The following PCDHGB3 variants were observed in gnomAD, a reference collection of about 807,000 sequenced individuals.
PCDHGB3 encodes protocadherin gamma-B3.
PCDHGB3 carries 40 observed loss-of-function variants against 59.2 expected under a neutral mutation model. The observed-to-expected ratio is 0.68, with a 90% CI of 0.52 to 0.88. The LOEUF (loss-of-function observed/expected upper bound fraction) is 0.88. PCDHGB3 is among the 40% of genes least tolerant of loss of function. The probability of loss-of-function intolerance (pLI) is 0.00; values close to 1 mark genes in which losing one functional copy is unlikely to be tolerated. For synonymous variants in PCDHGB3, 581 were observed against 503.6 expected (o/e 1.15, Z -2.06); for missense variants, 1,309 against 1,187.9 (o/e 1.10, Z -1.50).
At chr5:141,380,140 T>C (rs1776247193) in intron 1 of PCDHGB3, among the ~76,000 whole-genome samples, 1 of 151,998 alleles carries the variant, frequency 6.6e-6, no homozygotes, top group Non-Finnish European at 1.5e-5. Context: ...CCTTAAGTGA[T>C]CCACCCGCCT....
intron 1 of PCDHGB3, among the ~76,000 whole-genome samples, chr5:141,449,929 T>C (rs2098659723): frequency 6.6e-6 from 1 of 151,912 alleles, no homozygotes; most frequent in Non-Finnish European, 1.5e-5. Context: ...TACCATACCT[T>C]ATAGTATATT....
At chr5:141,383,694 T>C (rs369728109) in intron 1 of PCDHGB3, 13 of 1,613,890 alleles carry the variant, frequency 8.1e-6, no homozygotes, top group Middle Eastern at 1.6e-4. Context: ...TCACGGTACA[T>C]GCTATCGACC....
At chr5:141,390,051 A>G in intron 1 of PCDHGB3, 1 of 1,613,978 alleles carries the variant, frequency 6.2e-7, no homozygotes, top group Non-Finnish European at 8.5e-7. Context: ...CGCCTCCTGG[A>G]GCTGCTTCCA....
intron 1 of PCDHGB3, chr5:141,419,206 G>A: frequency 1.9e-6 from 3 of 1,613,876 alleles, no homozygotes; most frequent in Non-Finnish European, 1.7e-6. Flanking sequence ...ATGACAACGC[G>A]CCGGTTTTCG....
chr5:141,491,322 C>T lies in PCDHGB3; in HGVS notation c.2416-3485C>T. 6.2e-7 allele frequency: 1 copy of T among 1,614,156 alleles called. No individual in the cohort carries two copies. Among genetic ancestry groups the T allele is most frequent in the East Asian group, 2.2e-5 (1 of 44,860 alleles). On this transcript the variant is annotated intron_variant, in intron 1 of 3. Coordinates refer to ENST00000576222, the MANE Select transcript of PCDHGB3 (RefSeq NM_018924.5). This position sits in a 1 kb window ranked among gnomAD's most constrained non-coding sequence, Gnocchi z 6.9. ...AGCGTTCAGACCTTACCCTTTACCT[C>T]ATTGTGGCTCTAGCGACCGTCAGTC...
At chr5:141,385,479 T>A in intron 1 of PCDHGB3, 6 of 1,429,214 alleles carry the variant, frequency 4.2e-6, no homozygotes, top group Non-Finnish European at 5.5e-6. Flanking sequence ...CACTTTAATA[T>A]AGAACACATA....
intron 1 of PCDHGB3, chr5:141,394,908 G>A (rs763489153): frequency 3.1e-6 from 5 of 1,613,652 alleles, no homozygotes; most frequent in East Asian, 2.2e-5. Flanking sequence ...GGCAGTGGCT[G>A]CCATCTCCTG....
intron 1 of PCDHGB3, among the ~76,000 whole-genome samples, chr5:141,448,831 G>C (rs985602153): frequency 4.6e-5 from 7 of 152,096 alleles, no homozygotes; most frequent in Non-Finnish European, 7.4e-5. Flanking sequence ...TGTAGTCCCA[G>C]CTACTCTGGA....
At chr5:141,500,222 T>TGA (rs1355843194) in intron 2 of PCDHGB3, among the ~76,000 whole-genome samples, 1 of 146,758 alleles carries the variant, frequency 6.8e-6, no homozygotes, top group Non-Finnish European at 1.5e-5. Flanking sequence ...ATTTATTTAT[T>TGA]TATTGATACG....
intron 1 of PCDHGB3, among the ~76,000 whole-genome samples, chr5:141,448,344 A>G (rs2098583423): frequency 6.6e-6 from 1 of 152,080 alleles, no homozygotes; most frequent in Admixed American, 6.6e-5. Flanking sequence ...CATGTACCTC[A>G]ATCTTAGTAG....
intron 1 of PCDHGB3, chr5:141,424,478 G>A (rs953233220): frequency 3.3e-5 from 5 of 151,898 alleles, no homozygotes; most frequent in Admixed American, 6.6e-5. Context: ...CTTTTACTTT[G>A]GTGTCTGTGT....
Position 141,371,049 on chromosome 5 carries a change from G to A in PCDHGB3, c.655G>A (p.Glu219Lys), listed in dbSNP as rs1334799449. Reference sequence around the variant, plus strand: ...GGTCCTCACAGCTGTGGATGGGGGCGAGCCCTCCAGAAGCTGTACCACCCA... The same window carrying A: ...GGTCCTCACAGCTGTGGATGGGGGCAAGCCCTCCAGAAGCTGTACCACCCA... The part of the protein sequence containing the change: ...HLVLTAVDGG[E>K]PSRSCTTQIR... Residue 219 changes from glutamate to lysine, a missense_variant, in exon 1 of 4, where the codon GAG becomes AAG. Physicochemically the swap from Glu to Lys is moderately conservative, Grantham distance 56 (BLOSUM62 1). Coordinates refer to ENST00000576222, the MANE Select transcript of PCDHGB3 (RefSeq NM_018924.5). The A allele has an allele frequency of 6.8e-6, 11 of 1,613,826 alleles. No homozygotes were observed. Among genetic ancestry groups the A allele is most frequent in the Non-Finnish European group, 8.5e-6 (10 of 1,179,884 alleles).
chr5:141,405,840 A>ATATCAGTGT (rs2094725824), intron 1 of PCDHGB3, among the ~76,000 whole-genome samples: 1 of 152,188 alleles, frequency 6.6e-6, no homozygotes, highest in Non-Finnish European at 1.5e-5. Context: ...GTATAAGTTG[A>ATATCAGTGT]TATCAGTGTG....
At chr5:141,478,620 G>A (rs1400703951) in intron 1 of PCDHGB3, 2 of 1,555,472 alleles carry the variant, frequency 1.3e-6, no homozygotes, top group East Asian at 2.4e-5. Context: ...AAGGAATGGA[G>A]CTGTTTTTTT....
Position 141,432,205 on chromosome 5 carries a change from A to G in PCDHGB3, c.2415+59396A>G, listed in dbSNP as rs764567227. 1 of 1,614,180 alleles carries G rather than the reference A, an allele frequency of 6.2e-7. No individual in the cohort carries two copies. Among genetic ancestry groups the G allele is most frequent in the South Asian group, 1.1e-5 (1 of 91,074 alleles). On this transcript the variant is annotated intron_variant, in intron 1 of 3. Transcript: ENST00000576222. This position sits in a 1 kb window ranked among gnomAD's most constrained non-coding sequence, Gnocchi z 6.0. The stretch of plus-strand genomic sequence containing the variant: ...TGACCGCCCACGACCCCGACTGTGA[A>G]GAGAACGCCCAGATCACTTATTCCC...
chr5:141,481,934 AAT>A (rs1245984926), intron 1 of PCDHGB3, among the ~76,000 whole-genome samples: 5 of 147,494 alleles, frequency 3.4e-5, no homozygotes, highest in Admixed American at 3.4e-4. Flanking sequence ...AAAAAAAAAA[AAT>A]CAGCCAGATG....
intron 2 of PCDHGB3, among the ~76,000 whole-genome samples, chr5:141,501,700 C>T (rs936448354): frequency 6.6e-6 from 1 of 151,950 alleles, no homozygotes; most frequent in African/African-American, 2.4e-5. Flanking sequence ...AGGGTGATTC[C>T]GAGGATAAAA....
intron 1 of PCDHGB3, chr5:141,415,978 C>A: frequency 5.7e-6 from 2 of 353,430 alleles, no homozygotes; most frequent in Non-Finnish European, 9.4e-6. Flanking sequence ...CTTAAGCAAC[C>A]CTCTTGTTCT....
chr5:141,374,510 C>T (rs760895208), intron 1 of PCDHGB3: 2 of 1,611,824 alleles, frequency 1.2e-6, no homozygotes, highest in East Asian at 2.2e-5. Context: ...AGTGAAAATT[C>T]TCGAAAACGC....
Sources: gnomAD v4.1 joint callset for allele counts (sites outside exome capture counted in the v4.1 genomes callset) on GRCh38, gnomAD v4.1.1 for gene constraint, Gnocchi (gnomAD v3.1) non-coding constraint, MANE v1.5 for transcripts, NCBI Gene and HGNC (gene_info 2026-07-23, HGNC 2026-07-21) for gene names.